The following NTRK1 variants were observed in gnomAD, a reference collection of about 807,000 sequenced individuals.
The protein encoded by NTRK1 is neurotrophic receptor tyrosine kinase 1.
A neutral mutation model predicts 86.8 loss-of-function variants in NTRK1; 62 were observed. That is an observed-to-expected ratio of 0.71 (90% CI 0.58 to 0.88). The LOEUF is 0.88. NTRK1 is among the 40% of genes least tolerant of loss of function. NTRK1 has a pLI of 0.00. For synonymous variants in NTRK1, 469 were observed against 456.6 expected (o/e 1.03, Z -0.35); for missense variants, 967 against 1,078.4 (o/e 0.90, Z 1.45).
rs770092082 is a variant in NTRK1, at chr1:156,851,497, G to C, written c.50+9304G>C. ...AAGGTGATGGGTCTGTGGGGCAAGG[G>C]GGCTGAATGGGGGCCCCGGGAAGGT... On this transcript the variant is annotated intron_variant, in intron 2 of 16. Coordinates refer to the NTRK1 transcript ENST00000392302. The C allele has an allele frequency of 1.9e-6, 3 of 1,607,522 alleles. No homozygotes were observed. The African/African-American group carries it at 4.0e-5, about 21-fold the overall frequency.
chr1:156,874,765 G>A (rs2102911144), intron 10 of NTRK1, 139 bp downstream of exon 10: 2 of 1,191,854 alleles, frequency 1.7e-6, no homozygotes, highest in Non-Finnish European at 2.5e-6. Flanking sequence ...CACAGCCACT[G>A]CAGGGGTCCC....
chr1:156,853,894 G>A (rs1213049128), intron 2 of NTRK1: 2 of 1,614,160 alleles, frequency 1.2e-6, no homozygotes, highest in South Asian at 1.1e-5. Context: ...CCACGATGTG[G>A]TTGGCGCCAG....
chr1:156,851,520 G>T, intron 2 of NTRK1: 2 of 1,598,256 alleles, frequency 1.3e-6, no homozygotes, highest in Non-Finnish European at 1.7e-6. Context: ...GCCCCGGGAA[G>T]GTGGGCCCTC....
intron 1 of NTRK1, chr1:156,840,440 CT>C (rs1654728107): frequency 7.0e-6 from 1 of 142,764 alleles, no homozygotes; most frequent in Admixed American, 6.8e-5. Context: ...CCCCACCCCC[CT>C]CCCATACATG....
intron 1 of NTRK1, among the ~76,000 whole-genome samples, chr1:156,826,060 C>T (rs146727523): frequency 2.0e-5 from 3 of 152,170 alleles, no homozygotes; most frequent in Non-Finnish European, 4.4e-5. Context: ...GAGTTAAGGA[C>T]GCAGCCCCCC....
chr1:156,857,913 A>T (rs1023052563), upstream of NTRK1, among the ~76,000 whole-genome samples: 3 of 152,060 alleles, frequency 2.0e-5, no homozygotes, highest in African/African-American at 4.8e-5. Context: ...TAGTCTATAT[A>T]GTCCCCCCAC....
At chr1:156,859,608 T>A (rs2102876732), upstream of NTRK1, among the ~76,000 whole-genome samples, 1 of 152,230 alleles carries the variant, frequency 6.6e-6, no homozygotes, top group East Asian at 1.9e-4. The surrounding 1 kb of genome is among the most constrained non-coding windows in gnomAD (Gnocchi z 6.2). Context: ...CACCGCCTAG[T>A]CCCTTGGTTC....
chr1:156,848,778 C>A, intron 2 of NTRK1: 3 of 941,482 alleles, frequency 3.2e-6, no homozygotes, highest in Non-Finnish European at 3.1e-6. Flanking sequence ...CAGACCTGGG[C>A]CCTACCACGG....
upstream of NTRK1, among the ~76,000 whole-genome samples, chr1:156,857,910 T>C (rs1359162139): frequency 6.6e-6 from 1 of 152,164 alleles, no homozygotes; most frequent in African/African-American, 2.4e-5. Flanking sequence ...ATTTAGTCTA[T>C]ATAGTCCCCC....
chr1:156,838,262 C>G (rs1336360147), intron 1 of NTRK1, among the ~76,000 whole-genome samples: 2 of 152,156 alleles, frequency 1.3e-5, no homozygotes, highest in Non-Finnish European at 2.9e-5. Context: ...TAGTCCCCAG[C>G]ACCCATTCTC....
At chr1:156,862,253 A>G (rs953470079) in intron 1 of NTRK1, among the ~76,000 whole-genome samples, 6 of 152,260 alleles carry the variant, frequency 3.9e-5, no homozygotes, top group African/African-American at 9.6e-5. Flanking sequence ...GAAGGCACTC[A>G]ATCTCTCTCT....
rs1174707423 is a variant in NTRK1 at position 156,861,056 on chromosome 1, GC to G, written c.127del (p.His43ThrfsTer26). ...AGAAPCPDAC[C>X]PHGSSGLRCT... ...GCCGCACCCTGCCCCGATGCCTGCT[GC>G]CCCCACGGCTCCTCGGGACTGCGAT... On this transcript the variant is annotated frameshift_variant, in exon 1 of 17. Coordinates refer to ENST00000524377, the MANE Select transcript of NTRK1 (RefSeq NM_002529.4). LOFTEE classifies it high-confidence loss of function. 1 of 1,563,838 alleles carries G rather than the reference GC, an allele frequency of 6.4e-7. No individual in the cohort carries two copies.
chr1:156,851,157 A>C (rs1232949461), intron 2 of NTRK1: 1 of 904,874 alleles, frequency 1.1e-6, no homozygotes. Flanking sequence ...AGACCAGAGA[A>C]GTTAACCTAC....
At chr1:156,845,620 TG>T in intron 2 of NTRK1, 1 of 1,403,944 alleles carries the variant, frequency 7.1e-7, no homozygotes. Flanking sequence ...TCTTCGCACA[TG>T]GGGATGGTGA....
At chr1:156,828,403 T>C (rs541209527) in intron 1 of NTRK1, among the ~76,000 whole-genome samples, 160 of 152,242 alleles carry the variant, frequency 1.1e-3, no homozygotes, top group Admixed American at 2.2e-3. Flanking sequence ...GTATTGACAT[T>C]TTGAGGAAAA....
chr1:156,827,540 G>A (rs1035057234), intron 1 of NTRK1, among the ~76,000 whole-genome samples: 1 of 152,156 alleles, frequency 6.6e-6, no homozygotes, highest in Non-Finnish European at 1.5e-5. Context: ...GAGATTACAC[G>A]TGTGAACCAC....
intron 2 of NTRK1, among the ~76,000 whole-genome samples, chr1:156,853,545 G>A (rs1571672276): frequency 1.3e-5 from 2 of 152,042 alleles, no homozygotes; most frequent in East Asian, 1.9e-4. Context: ...CCATGATGCC[G>A]CCTTGGGCCT....
intron 14 of NTRK1, among the ~76,000 whole-genome samples, chr1:156,878,575 G>T (rs1648057429): frequency 6.6e-6 from 1 of 152,242 alleles, no homozygotes; most frequent in Admixed American, 6.5e-5. Flanking sequence ...GAACATTGGG[G>T]AATATGGATG....
Position 156,868,147 on chromosome 1 carries a change from T to C in NTRK1, c.472T>C (p.Trp158Arg). The C allele has an allele frequency of 6.2e-7, 1 of 1,613,856 alleles. No individual in the cohort carries two copies. Among genetic ancestry groups the C allele is most frequent in the Non-Finnish European group, 8.5e-7 (1 of 1,180,008 alleles). Residue 158 changes from tryptophan (W) to arginine (R), a missense_variant, in exon 5 of 17, where the codon TGG becomes CGG. By Grantham distance (101) the Trp-to-Arg change is moderately radical (BLOSUM62 -3). Around this residue, in one of 2 missense-constraint regions of NTRK1, gnomAD observed 330 missense variants for 302.0 expected, o/e 1.09. Coordinates refer to ENST00000524377, the MANE Select transcript of NTRK1 (RefSeq NM_002529.4). ...TCTGCACTGTTCTTGTGCCCTGCGC[T>C]GGCTACAGCGCTGGGAGGAGGAGGG... is the stretch of plus-strand genomic sequence containing the variant. ...NPLHCSCALRWLQRWEEEGLG... is the reference protein window; with the variant it reads ...NPLHCSCALRRLQRWEEEGLG...
Sources: gnomAD v4.1 joint callset for allele counts (sites outside exome capture counted in the v4.1 genomes callset) on GRCh38, gnomAD v4.1.1 for gene constraint, gnomAD v4.1.1 regional missense constraint, Gnocchi (gnomAD v3.1) non-coding constraint, MANE v1.5 for transcripts, NCBI Gene and HGNC (gene_info 2026-07-23, HGNC 2026-07-21) for gene names.